The following MPRIP variants were observed in gnomAD, a reference collection of about 807,000 sequenced individuals.
The protein encoded by MPRIP is myosin phosphatase Rho-interacting protein.
A neutral mutation model predicts 234.9 loss-of-function variants in MPRIP; 59 were observed. The ratio of observed to expected loss-of-function variants is 0.25; its 90% CI spans 0.20 to 0.31. The LOEUF (loss-of-function observed/expected upper bound fraction) is 0.31. Ranked by LOEUF, MPRIP falls within the 10% of genes least tolerant of loss-of-function variation. The pLI, the probability that MPRIP is intolerant of heterozygous loss-of-function variation, is 1.00. For missense variants in MPRIP, 2,436 were observed against 3,071.0 expected (o/e 0.79, Z 4.89); for synonymous variants, 1,144 against 1,263.9 (o/e 0.91, Z 2.01).
Position 17,158,556 on chromosome 17 carries a change from C to T in MPRIP, c.1954C>T (p.Arg652Trp), listed in dbSNP as rs760501921. Residue 652 changes from arginine to tryptophan, a missense_variant, in exon 14 of 24, where the codon CGG becomes TGG. Physicochemically the swap from Arg to Trp is moderately radical, Grantham distance 101. Around this residue, in one of 4 missense-constraint regions of MPRIP, gnomAD observed 1,998 missense variants for 2,520.3 expected, o/e 0.79. Transcript: ENST00000651222. ...PEQKRSRARERRREGRSKTFD... is the reference protein window; with the variant it reads ...PEQKRSRAREWRREGRSKTFD... ...GCAGAAGAGGAGCCGCGCACGGGAG[C>T]GGAGGCGAGAGGGCCGCTCCAAGAC... 8 of 1,611,560 alleles carry T rather than the reference C, an allele frequency of 5.0e-6. No individual in the cohort carries two copies. Among genetic ancestry groups the T allele is most frequent in the Middle Eastern group, 3.8e-4 (2 of 5,200 alleles).
At chr17:17,083,027 G>A (rs559582294) in intron 3 of MPRIP, among the ~76,000 whole-genome samples, 1 of 152,338 alleles carries the variant, frequency 6.6e-6, no homozygotes, top group South Asian at 2.1e-4. Context: ...AGAGACTGAG[G>A]CCACCTTCTG....
At chr17:17,047,978 G>T (rs530795036) in intron 1 of MPRIP, among the ~76,000 whole-genome samples, 23 of 152,054 alleles carry the variant, frequency 1.5e-4, no homozygotes, top group Non-Finnish European at 3.2e-4. Context: ...AATCAGAGGG[G>T]TGGGCATTAG....
chr17:17,075,939 G>A (rs189827272), intron 2 of MPRIP, 152 bp downstream of exon 2: 9 of 687,166 alleles, frequency 1.3e-5, no homozygotes, highest in African/African-American at 7.1e-5. Context: ...GCACTTGTAC[G>A]TTGTACAGAA....
In MPRIP at chr17:17,166,074, G is replaced by A. The variant is rs887180850; in HGVS notation, c.4483G>A (p.Glu1495Lys). The A allele has an allele frequency of 4.6e-6, 6 of 1,300,772 alleles. No individual in the cohort carries two copies. The East Asian group carries it at 1.7e-4, about 36-fold the overall frequency. The allele number at this position is 1,300,772 out of a possible 1,614,324, so 80.6% of individuals were successfully genotyped here. A position where few individuals can be genotyped will look rare whatever the true frequency, so the allele number is the denominator to read the frequency against. Residue 1495 changes from glutamate to lysine, a missense_variant, in exon 16 of 24, where the codon GAG becomes AAG. Glu to Lys is a moderately conservative substitution (Grantham distance 56). Around this residue, in one of 4 missense-constraint regions of MPRIP, gnomAD observed 1,998 missense variants for 2,520.3 expected, o/e 0.79. Transcript: ENST00000651222. The surrounding 1 kb of genome is among the most constrained non-coding windows in gnomAD (Gnocchi z 4.4). Reference protein sequence around the residue: ...QLRSLPRASQEDEQDARAASL... With the variant: ...QLRSLPRASQKDEQDARAASL... ...GAGATCTCTGCCTAGGGCCAGCCAG[G>A]AGGATGAGCAGGACGCACGCGCAGC...
At chr17:17,081,607 A>T (rs2089463430) in intron 3 of MPRIP, among the ~76,000 whole-genome samples, 2 of 152,184 alleles carry the variant, frequency 1.3e-5, no homozygotes, top group Non-Finnish European at 2.9e-5. Flanking sequence ...GGACATCAGG[A>T]GGTCACAGCG....
chr17:17,057,346 G>A (rs754845727), intron 1 of MPRIP, among the ~76,000 whole-genome samples: 8 of 152,218 alleles, frequency 5.3e-5, no homozygotes, highest in Admixed American at 3.9e-4. Context: ...GGAGGTACAC[G>A]CCTTCTTTCT....
intron 3 of MPRIP, among the ~76,000 whole-genome samples, chr17:17,093,636 T>C (rs1166438821): frequency 6.6e-6 from 1 of 152,216 alleles, no homozygotes; most frequent in African/African-American, 2.4e-5. Flanking sequence ...TAATTGTTTT[T>C]TCAAAATAGT....
chr17:17,164,644 T>C lies in MPRIP; in HGVS notation c.3053T>C (p.Leu1018Pro). The C allele has an allele frequency of 3.3e-6, 4 of 1,230,564 alleles. No homozygotes were observed. The highest frequency in any genetic ancestry group is 4.2e-6 in the Non-Finnish European group (4 of 956,682). 76.2% of individuals were successfully genotyped at this position (1,230,564 alleles called of 1,614,324 possible). Residue 1018 changes from leucine (L) to proline (P), a missense_variant, in exon 16 of 24, where the codon CTG (leucine) becomes CCG (proline). Transcript: ENST00000651222. The stretch of plus-strand genomic sequence containing the variant: ...GCGCAGCGGCTGATGGAGGAGAAGC[T>C]GCAGAGAAACTATGAGCTGCTGCTG... ...EQAQRLMEEK[L>P]QRNYELLLES... is the part of the protein sequence containing the mutation.
At chr17:17,069,531 G>C (rs60857020) in intron 1 of MPRIP, among the ~76,000 whole-genome samples, 2 of 149,592 alleles carry the variant, frequency 1.3e-5, no homozygotes, top group Non-Finnish European at 1.5e-5. Flanking sequence ...ATTTTCTTTA[G>C]AATTGTATTT....
intron 1 of MPRIP, among the ~76,000 whole-genome samples, chr17:17,071,315 T>A (rs1464678930): frequency 6.6e-6 from 1 of 150,882 alleles, no homozygotes; most frequent in Non-Finnish European, 1.5e-5. Flanking sequence ...TAGCTTTTTG[T>A]TGTTGTTTTT....
chr17:17,172,033 G>A (rs1198736952), intron 17 of MPRIP, among the ~76,000 whole-genome samples, 168 bp downstream of exon 17: 1 of 152,224 alleles, frequency 6.6e-6, no homozygotes, highest in Non-Finnish European at 1.5e-5. Context: ...CCAATTTTAG[G>A]TCCCTTTTGA....
intron 20 of MPRIP, among the ~76,000 whole-genome samples, chr17:17,176,134 T>C (rs1391351629): frequency 6.6e-6 from 1 of 152,214 alleles, no homozygotes; most frequent in Non-Finnish European, 1.5e-5. Context: ...CATTTCCTGA[T>C]TCTCGCGGGC....
At chr17:17,161,701 A>C (rs998376603) in intron 15 of MPRIP, among the ~76,000 whole-genome samples, 5 of 152,220 alleles carry the variant, frequency 3.3e-5, no homozygotes, top group Admixed American at 1.3e-4. Context: ...GATTTCTCAT[A>C]GTTTTCACTA....
At chr17:17,092,827 C>T (rs1597791495) in intron 3 of MPRIP, among the ~76,000 whole-genome samples, 1 of 152,322 alleles carries the variant, frequency 6.6e-6, no homozygotes, top group East Asian at 1.9e-4. Flanking sequence ...TGTTCTAGGA[C>T]CACAGCCTCG....
rs531558875 is a variant in MPRIP, at chr17:17,158,931, G to A, written c.2329G>A (p.Val777Ile). 1.4e-5 allele frequency: 23 copies of A among 1,612,786 alleles called. No homozygotes were observed. The highest frequency in any genetic ancestry group is 5.3e-5 in the African/African-American group (4 of 75,048). Residue 777 changes from valine to isoleucine, a missense_variant, in exon 14 of 24, where the codon GTC (valine) becomes ATC (isoleucine). By Grantham distance (29) the Val-to-Ile change is conservative (BLOSUM62 3). Coordinates refer to ENST00000651222, the MANE Select transcript of MPRIP (RefSeq NM_001364716.4). Reference protein sequence around the residue: ...REEKQVPIAPVHLSSEDGGDR... With the variant: ...REEKQVPIAPIHLSSEDGGDR... ...AGAGAAGCAGGTGCCCATCGCCCCCGTCCACCTGTCTTCTGAAGATGGGGG... is the reference window on the plus strand; with the variant it reads ...AGAGAAGCAGGTGCCCATCGCCCCCATCCACCTGTCTTCTGAAGATGGGGG...
intron 1 of MPRIP, among the ~76,000 whole-genome samples, chr17:17,069,338 G>A (rs1313596173): frequency 6.6e-6 from 1 of 151,880 alleles, no homozygotes; most frequent in Non-Finnish European, 1.5e-5. Context: ...TGAATTTTTT[G>A]TAGACAGTGT....
intron 3 of MPRIP, among the ~76,000 whole-genome samples, chr17:17,095,857 C>G (rs2089826416): frequency 6.6e-6 from 1 of 152,176 alleles, no homozygotes. Flanking sequence ...CTGCCTCCTC[C>G]TAGCTGTCCT....
Position 17,164,560 on chromosome 17 carries a change from T to C in MPRIP, c.2969T>C (p.Val990Ala), listed in dbSNP as rs2045941660. The change falls in exon 16 of 24, where the codon GTC becomes GCC. Residue 990 changes from valine to alanine, a missense_variant. Val to Ala is a moderately conservative substitution (Grantham distance 64). Transcript: ENST00000651222. ...QALQRDRQKE[V>A]QRLQERIADL... ...CTGCAGCGGGACCGGCAGAAGGAGG[T>C]CCAGAGGCTGCAGGAGCGCATTGCC... is the stretch of plus-strand genomic sequence containing the variant. 6 of 1,209,290 alleles carry C rather than the reference T, an allele frequency of 5.0e-6. No homozygotes were observed. The highest frequency in any genetic ancestry group is 6.3e-6 in the Non-Finnish European group (6 of 946,498). The allele number at this position is 1,209,290 out of a possible 1,614,324, so 74.9% of individuals were successfully genotyped here. A position where few individuals can be genotyped will look rare whatever the true frequency, so the allele number is the denominator to read the frequency against.
chr17:17,155,627 T>C (rs772541214), intron 13 of MPRIP, among the ~76,000 whole-genome samples: 3 of 152,268 alleles, frequency 2.0e-5, no homozygotes, highest in East Asian at 3.8e-4. Context: ...AACTCCTAAA[T>C]TGATTTCTTT....
Sources: gnomAD v4.1 joint callset for allele counts (sites outside exome capture counted in the v4.1 genomes callset) on GRCh38, gnomAD v4.1.1 for gene constraint, gnomAD v4.1.1 regional missense constraint, Gnocchi (gnomAD v3.1) non-coding constraint, MANE v1.5 for transcripts, NCBI Gene and HGNC (gene_info 2026-07-23, HGNC 2026-07-21) for gene names.